The following MBD5 variants were observed in gnomAD, a reference collection of about 807,000 sequenced individuals.
MBD5 encodes methyl-CpG-binding domain protein 5.
MBD5 carries 13 observed loss-of-function variants against 117.3 expected under a neutral mutation model. The observed-to-expected ratio is 0.11, with a 90% CI of 0.07 to 0.18. The LOEUF (loss-of-function observed/expected upper bound fraction) is 0.18, where lower values mean the gene tolerates loss of function less well. Ranked by LOEUF, MBD5 falls within the 10% of genes least tolerant of loss-of-function variation. The pLI is 1.00. For missense variants in MBD5, 1,879 were observed against 2,093.8 expected (o/e 0.90, Z 2.00); for synonymous variants, 727 against 766.4 (o/e 0.95, Z 0.85).
intron 4 of MBD5, among the ~76,000 whole-genome samples, chr2:148,439,501 G>C (rs16828606): frequency 0.25 from 38,637 of 151,918 alleles, 5,819 homozygotes; most frequent in African/African-American, 0.42. Context: ...AATGATTATA[G>C]TCCCTCAGTT....
chr2:148,276,520 A>G (rs1363270843), intron 3 of MBD5, among the ~76,000 whole-genome samples: 1 of 152,186 alleles, frequency 6.6e-6, no homozygotes, highest in Non-Finnish European at 1.5e-5. Flanking sequence ...ATGAACTTTT[A>G]CTTAAATACT....
intron 4 of MBD5, among the ~76,000 whole-genome samples, chr2:148,429,851 T>TG (rs1042057913): frequency 6.6e-6 from 1 of 151,608 alleles, no homozygotes; most frequent in East Asian, 1.9e-4. Context: ...TGTCATGGGG[T>TG]GGGGGGCTGG....
rs780410739 is a variant in MBD5 at position 148,510,161 on chromosome 2, A to T, written c.5112+26A>T. ...GTAAGTTAATTTATTTTTCCATTATACTACGTTTCTTTGAAAATAAATTGT... is the reference window on the plus strand; with the variant it reads ...GTAAGTTAATTTATTTTTCCATTATTCTACGTTTCTTTGAAAATAAATTGT... On this transcript the variant is annotated intron_variant, in intron 13 of 13. Transcript: ENST00000642680. The T allele has an allele frequency of 4.6e-6, 7 of 1,525,234 alleles. No homozygotes were observed. In the East Asian group the frequency reaches 1.6e-4, roughly 34 times the overall value. 94.5% of individuals were successfully genotyped at this position (1,525,234 alleles called of 1,614,324 possible). A position where few individuals can be genotyped will look rare whatever the true frequency, so the allele number is the denominator to read the frequency against.
chr2:148,459,384 G>T lies in MBD5; in HGVS notation c.113+513G>T, dbSNP rs550672836. ...TAAAAGTGAAAAAGTCATGGAGAAG[G>T]CTCTGCATCTTACAAGTAAATAGTC... On this transcript the variant is annotated intron_variant, in intron 5 of 13. Transcript: ENST00000642680. Among the ~76,000 whole-genome samples the T allele has an allele frequency of 1.4e-4, 21 of 152,182 alleles. 1 individual carries two copies. The South Asian group carries it at 4.4e-3, about 32-fold the overall frequency.
At chr2:148,307,150 A>C (rs1284570778) in intron 3 of MBD5, among the ~76,000 whole-genome samples, 1 of 152,294 alleles carries the variant, frequency 6.6e-6, no homozygotes, top group East Asian at 1.9e-4. Context: ...AGTAATTATA[A>C]AAGGTTTTGC....
At chr2:148,389,661 A>G (rs1704505482) in intron 4 of MBD5, among the ~76,000 whole-genome samples, 1 of 151,750 alleles carries the variant, frequency 6.6e-6, no homozygotes, top group South Asian at 2.1e-4. Flanking sequence ...TGTGGTTTTG[A>G]TTTGTATCTC....
intron 3 of MBD5, among the ~76,000 whole-genome samples, chr2:148,283,383 A>C (rs1701295328): frequency 1.3e-5 from 2 of 152,110 alleles, no homozygotes; most frequent in African/African-American, 4.8e-5. Context: ...AGTGAAGTAG[A>C]TCTACATTAT....
Position 148,239,419 on chromosome 2 carries a change from T to C in MBD5, c.-680+6024T>C, listed in dbSNP as rs577679680. ...GATACATACTACATGCATCAACAAATGAAATGCCCTACGACTTTAGAGATG... is the reference window on the plus strand; with the variant it reads ...GATACATACTACATGCATCAACAAACGAAATGCCCTACGACTTTAGAGATG... On this transcript the variant is annotated intron_variant, in intron 3 of 13. Coordinates refer to ENST00000642680, the MANE Select transcript of MBD5 (RefSeq NM_001378120.1). Among the ~76,000 whole-genome samples the C allele has an allele frequency of 3.3e-5, 5 of 152,304 alleles. No homozygotes were observed. The East Asian group carries it at 7.7e-4, about 24-fold the overall frequency.
chr2:148,166,228 G>C (rs954743207), intron 1 of MBD5, among the ~76,000 whole-genome samples: 2 of 152,020 alleles, frequency 1.3e-5, no homozygotes, highest in Non-Finnish European at 1.5e-5. Context: ...ATTTACTCCT[G>C]TACATAATTT....
intron 1 of MBD5, among the ~76,000 whole-genome samples, chr2:148,138,838 T>C (rs996868349): frequency 2.6e-5 from 4 of 152,124 alleles, no homozygotes; most frequent in South Asian, 4.1e-4. Context: ...CGCTAAAACA[T>C]TGGGGTTTGA....
At chr2:148,091,152 T>C (rs1695929925) in intron 1 of MBD5, among the ~76,000 whole-genome samples, 4 of 151,974 alleles carry the variant, frequency 2.6e-5, no homozygotes, top group Admixed American at 2.6e-4. Context: ...CTGAAATGAA[T>C]CGTCAACAAT....
chr2:148,206,857 A>G (rs1200726190), intron 2 of MBD5, among the ~76,000 whole-genome samples: 2 of 152,218 alleles, frequency 1.3e-5, no homozygotes, highest in South Asian at 2.1e-4. Context: ...GCAGTTATGA[A>G]TATCTACAGG....
chr2:148,425,227 A>G (rs917808766), intron 4 of MBD5, among the ~76,000 whole-genome samples: 1 of 152,228 alleles, frequency 6.6e-6, no homozygotes, highest in Admixed American at 6.5e-5. Context: ...CCTCAGAAAT[A>G]CAAACTACCA....
At chr2:148,144,964 G>T (rs552075305) in intron 1 of MBD5, among the ~76,000 whole-genome samples, 13 of 152,190 alleles carry the variant, frequency 8.5e-5, no homozygotes, top group African/African-American at 1.4e-4. Flanking sequence ...CTTTAAAGTA[G>T]TTTTTTCCAA....
At chr2:148,321,921 C>T (rs144259205) in intron 3 of MBD5, among the ~76,000 whole-genome samples, 123 of 152,196 alleles carry the variant, frequency 8.1e-4, no homozygotes, top group African/African-American at 2.9e-3. Context: ...TCTCTTTGAA[C>T]CTTTCTCCAA....
At chr2:148,461,992 A>G (rs1445193021) in intron 5 of MBD5, among the ~76,000 whole-genome samples, 2 of 152,086 alleles carry the variant, frequency 1.3e-5, no homozygotes, top group African/African-American at 4.8e-5. Context: ...TTGACTCTTC[A>G]GTGTATCTTC....
intron 1 of MBD5, among the ~76,000 whole-genome samples, chr2:148,145,766 G>A (rs1218414336): frequency 6.6e-6 from 1 of 152,170 alleles, no homozygotes; most frequent in East Asian, 1.9e-4. Context: ...ATTTGCATAT[G>A]TCGAACCAGC....
intron 4 of MBD5, among the ~76,000 whole-genome samples, chr2:148,413,311 A>G (rs1467252270): frequency 6.6e-6 from 1 of 152,040 alleles, no homozygotes; most frequent in East Asian, 1.9e-4. Flanking sequence ...TAGGGATAAA[A>G]CTTAATTTAT....
intron 4 of MBD5, among the ~76,000 whole-genome samples, chr2:148,361,685 A>C (rs1007756739): frequency 2.0e-5 from 3 of 152,246 alleles, no homozygotes; most frequent in Non-Finnish European, 2.9e-5. Flanking sequence ...TTTGGACAAC[A>C]ATCACTAGAT....
Sources: allele counts gnomAD v4.1 joint callset (sites outside exome capture counted in the v4.1 genomes callset), GRCh38; gene constraint gnomAD v4.1.1; transcripts MANE v1.5; gene names NCBI Gene and HGNC (gene_info 2026-07-23, HGNC 2026-07-21).